PRLR: variants seen among roughly 807,000 people sequenced by gnomAD.
PRLR encodes the protein prolactin receptor, also known as hPRL receptor.
Under a neutral mutation model 40.2 loss-of-function variants are expected in PRLR, and 13 were observed. That is an observed-to-expected ratio of 0.32 (90% CI 0.21 to 0.51). The LOEUF (loss-of-function observed/expected upper bound fraction) is 0.51, where lower values mean the gene tolerates loss of function less well. Ranked by LOEUF, PRLR falls within the 20% of genes least tolerant of loss-of-function variation. The pLI is 0.97. For missense variants in PRLR, 656 were observed against 747.3 expected, an observed-to-expected ratio of 0.88 and a Z score of 1.42; for synonymous variants, 269 against 278.7, an observed-to-expected ratio of 0.97 and a Z score of 0.35.
chr5:35,160,263 A>C lies in PRLR; in HGVS notation c.-105-42141T>G, dbSNP rs1161737300. On this transcript the variant is annotated intron_variant, in intron 1 of 9. Transcript: ENST00000618457. ...TTTCAGTGTTAATTCATAAAGTTCC[A>C]CTGGAACACAGTCATGCCTATTCCT... Among the ~76,000 whole-genome samples the C allele has an allele frequency of 1.6e-4, 4 of 24,794 alleles. No homozygotes were observed. In the Non-Finnish European group the frequency reaches 4.4e-3, roughly 28 times the overall value. The allele number at this position is 24,794 out of a possible 152,430, so 16.3% of individuals were successfully genotyped here.
intron 1 of PRLR, among the ~76,000 whole-genome samples, chr5:35,196,767 C>T (rs1775748097): frequency 6.6e-6 from 1 of 152,210 alleles, no homozygotes; most frequent in Non-Finnish European, 1.5e-5. Flanking sequence ...TTAATCAGTT[C>T]AGGCTGCTAT....
At chr5:35,131,512 C>A (rs527248108) in intron 1 of PRLR, among the ~76,000 whole-genome samples, 6 of 152,148 alleles carry the variant, frequency 3.9e-5, no homozygotes, top group Non-Finnish European at 7.3e-5. Context: ...GTTTATAAAA[C>A]ATTTTCACTT....
intron 1 of PRLR, among the ~76,000 whole-genome samples, chr5:35,214,008 C>T (rs559880279): frequency 6.6e-6 from 1 of 152,336 alleles, no homozygotes; most frequent in South Asian, 2.1e-4. Flanking sequence ...TTCCTCAGCA[C>T]ATTTCCAGCC....
At chr5:35,077,212 A>C (rs974860529) in intron 5 of PRLR, among the ~76,000 whole-genome samples, 2 of 152,240 alleles carry the variant, frequency 1.3e-5, no homozygotes, top group African/African-American at 4.8e-5. Context: ...TCTTAAATGT[A>C]AATGGGCTAA....
Position 35,201,180 on chromosome 5 carries a change from T to G in PRLR, c.-106+29088A>C, listed in dbSNP as rs148330248. On this transcript the variant is annotated intron_variant, in intron 1 of 9. Coordinates refer to ENST00000618457, the MANE Select transcript of PRLR (RefSeq NM_000949.7). Reference sequence around the variant, plus strand: ...AGCAATAATGCATGCAGAGTTGTTATTATGGTATATGCACTGGTTCTAGCC... The same window carrying G: ...AGCAATAATGCATGCAGAGTTGTTAGTATGGTATATGCACTGGTTCTAGCC... 3.6e-3 allele frequency among the ~76,000 whole-genome samples: 547 copies of G among 152,296 alleles called. 3 individuals carry two copies. The highest frequency in any genetic ancestry group is 0.013 in the African/African-American group (523 of 41,552).
At chr5:35,134,698 A>G (rs973243744) in intron 1 of PRLR, among the ~76,000 whole-genome samples, 1 of 152,218 alleles carries the variant, frequency 6.6e-6, no homozygotes, top group African/African-American at 2.4e-5. Flanking sequence ...GTTACATTCT[A>G]CTGGTGGAAA....
In PRLR at chr5:35,090,964, C is replaced by T. The variant is rs537035364; in HGVS notation, c.-43-1301G>A. Among the ~76,000 whole-genome samples, 4 of 151,976 alleles carry T rather than the reference C, an allele frequency of 2.6e-5. No homozygotes were observed. In the East Asian group the frequency reaches 7.7e-4, roughly 29 times the overall value. ...TAGCTGGGACTACAGGAGCCCCCCA[C>T]GATGCCCGGCTAATTTTTTTTGTAT... On this transcript the variant is annotated intron_variant, in intron 2 of 9. Transcript: ENST00000618457.
chr5:35,221,251 TG>T (rs1776410956), intron 1 of PRLR, among the ~76,000 whole-genome samples: 1 of 152,230 alleles, frequency 6.6e-6, no homozygotes, highest in Non-Finnish European at 1.5e-5. Flanking sequence ...AAGCAAGTCT[TG>T]GTTAACTAAA....
rs1768906181 is a variant in PRLR, at chr5:35,059,436, T to C, written c.*5653A>G. On this transcript the variant is annotated 3_prime_UTR_variant, in exon 10 of 10. Transcript: ENST00000618457. ...AGCATGATAGTGTTTGTGAATTATG[T>C]ACCTCTCTTAGACATAAACTCTTAG... The C allele has an allele frequency of 6.6e-6, 1 of 152,174 alleles. No individual in the cohort carries two copies. The highest frequency in any genetic ancestry group is 2.4e-5 in the African/African-American group (1 of 41,442). The allele number at this position is 152,174 out of a possible 1,614,324, so 9.4% of individuals were successfully genotyped here. A position where few individuals can be genotyped will look rare whatever the true frequency, so the allele number is the denominator to read the frequency against.
At chr5:35,108,791 C>T (rs1364813860) in intron 2 of PRLR, among the ~76,000 whole-genome samples, 2 of 152,132 alleles carry the variant, frequency 1.3e-5, no homozygotes, top group African/African-American at 4.8e-5. Context: ...CCATACTGCC[C>T]AAAGTAATTT....
intron 1 of PRLR, among the ~76,000 whole-genome samples, chr5:35,204,725 T>G (rs1775971160): frequency 6.6e-6 from 1 of 152,102 alleles, no homozygotes; most frequent in African/African-American, 2.4e-5. Context: ...CACATGACAA[T>G]GCTAGCAGTA....
chr5:35,089,528 G>C lies in PRLR; in HGVS notation c.70+23C>G, dbSNP rs776345886. On this transcript the variant is annotated intron_variant, in intron 3 of 9. Transcript: ENST00000618457. ...GACAAACACCCCAGGCAATGAAAGA[G>C]AGCGTGATAGCCTCTTACTTACCAT... The C allele has an allele frequency of 2.6e-6, 4 of 1,539,208 alleles. No individual in the cohort carries two copies. The East Asian group carries it at 6.7e-5, about 26-fold the overall frequency.
At chr5:35,130,212 A>T (rs754821595) in intron 1 of PRLR, 1 of 152,188 alleles carries the variant, frequency 6.6e-6, no homozygotes, top group Non-Finnish European at 1.5e-5. Flanking sequence ...AGAAAACAAA[A>T]ATTGACTAAC....
intron 1 of PRLR, among the ~76,000 whole-genome samples, chr5:35,175,739 G>T (rs143380685): frequency 6.6e-6 from 1 of 152,092 alleles, no homozygotes; most frequent in Admixed American, 6.6e-5. Context: ...GATGCTATTC[G>T]TAAGGAAGAC....
chr5:35,065,376 T>A lies in PRLR; in HGVS notation c.1582A>T (p.Arg528Ter). 6.2e-7 allele frequency: 1 copy of A among 1,614,188 alleles called. No homozygotes were observed. The highest frequency in any genetic ancestry group is 8.5e-7 in the Non-Finnish European group (1 of 1,180,036). The change falls in exon 10 of 10, where the codon AGA becomes TGA. Residue 528 changes from arginine to a stop codon, truncating the protein, a stop_gained. Transcript: ENST00000618457. LOFTEE classifies it low-confidence loss of function (END_TRUNC). ...DGALSLLPKQ[R>*]ENSGKPKKPG... ...TTCTTGGGCTTGCCGCTGTTCTCTC[T>A]CTGTTTTGGTAGCAATGATAATGCA...
chr5:35,085,819 G>C (rs1418336196), intron 4 of PRLR, among the ~76,000 whole-genome samples: 1 of 152,182 alleles, frequency 6.6e-6, no homozygotes, highest in Non-Finnish European at 1.5e-5. Flanking sequence ...TAAGCTGTGA[G>C]AGGGGATTTG....
chr5:35,075,460 C>T (rs185036740), intron 5 of PRLR, among the ~76,000 whole-genome samples: 2 of 152,320 alleles, frequency 1.3e-5, no homozygotes, highest in African/African-American at 4.8e-5. Flanking sequence ...AGTCTGAGAT[C>T]AAACTGCAAG....
intron 5 of PRLR, among the ~76,000 whole-genome samples, chr5:35,076,565 C>G (rs928269109): frequency 1.3e-5 from 2 of 152,184 alleles, no homozygotes; most frequent in Non-Finnish European, 2.9e-5. Flanking sequence ...AAATCGACAT[C>G]TGATTGGTGT....
chr5:35,057,297 G>A lies in PRLR; in HGVS notation c.*7792C>T, dbSNP rs1045376350. The A allele has an allele frequency of 6.6e-6, 1 of 152,028 alleles. No individual in the cohort carries two copies. The highest frequency in any genetic ancestry group is 2.4e-5 in the African/African-American group (1 of 41,402). 9.4% of individuals were successfully genotyped at this position (152,028 alleles called of 1,614,324 possible). ...TTTTTGTCCAACTTACATAAACAATGTCCTGATTATAGATCTTTTGGTAAC... is the reference window on the plus strand; with the variant it reads ...TTTTTGTCCAACTTACATAAACAATATCCTGATTATAGATCTTTTGGTAAC... On this transcript the variant is annotated 3_prime_UTR_variant, in exon 10 of 10. Transcript: ENST00000618457.
Sources: allele counts gnomAD v4.1 joint callset (sites outside exome capture counted in the v4.1 genomes callset), GRCh38; gene constraint gnomAD v4.1.1; transcripts MANE v1.5; gene names NCBI Gene and HGNC (gene_info 2026-07-23, HGNC 2026-07-21).